TTLL5: variants seen among roughly 807,000 people sequenced by gnomAD.
TTLL5 encodes the protein tubulin polyglutamylase TTLL5.
Under a neutral mutation model 168.4 loss-of-function variants are expected in TTLL5, and 132 were observed. That is an observed-to-expected ratio of 0.78 (90% confidence interval 0.68 to 0.91). The LOEUF (loss-of-function observed/expected upper bound fraction) is 0.91, where lower values mean the gene tolerates loss of function less well. Among genes scored for constraint, TTLL5 ranks in the 40% least tolerant of loss-of-function variants. TTLL5 has a pLI of 0.00. For synonymous variants in TTLL5, 546 were observed against 558.6 expected, an observed-to-expected ratio of 0.98 and a Z score of 0.32; for missense variants, 1,545 against 1,581.5, an observed-to-expected ratio of 0.98 and a Z score of 0.39.
chr14:75,785,836 T>C (rs1395438680), intron 26 of TTLL5, among the ~76,000 whole-genome samples: 2 of 152,206 alleles, frequency 1.3e-5, no homozygotes, highest in Non-Finnish European at 2.9e-5. Flanking sequence ...TTTTCAAGAT[T>C]GTTTAGGCTG....
At chr14:75,665,624 C>T (rs911136185) in intron 2 of TTLL5, among the ~76,000 whole-genome samples, 1 of 152,078 alleles carries the variant, frequency 6.6e-6, no homozygotes, top group African/African-American at 2.4e-5. Flanking sequence ...TTTGGGAGGC[C>T]GAGGTGGGCA....
intron 7 of TTLL5, among the ~76,000 whole-genome samples, chr14:75,700,511 C>G (rs1383917824): frequency 6.6e-6 from 1 of 152,162 alleles, no homozygotes; most frequent in African/African-American, 2.4e-5. Context: ...AGGCCCCTCT[C>G]AAGTGCTGGC....
chr14:75,766,899 C>G (rs139509178), intron 20 of TTLL5, among the ~76,000 whole-genome samples: 78 of 152,256 alleles, frequency 5.1e-4, no homozygotes, highest in Non-Finnish European at 1.1e-3. Context: ...CTCAGTGTCT[C>G]ACACCTATAA....
intron 26 of TTLL5, among the ~76,000 whole-genome samples, chr14:75,790,671 C>T (rs2140346399): frequency 6.6e-6 from 1 of 151,792 alleles, no homozygotes; most frequent in Middle Eastern, 3.4e-3. Flanking sequence ...CACTTTGTTG[C>T]CTAATCTGGT....
rs113744854 is a variant in TTLL5 at position 75,820,102 on chromosome 14, A to G, written c.3267A>G (p.Thr1089=). Residue 1089 remains threonine (T), a synonymous_variant, in exon 28 of 32, where the codon ACA becomes ACG. Coordinates refer to ENST00000298832, the MANE Select transcript of TTLL5 (RefSeq NM_015072.5). Reference sequence around the variant, plus strand: ...CCATCATCAGTCCTAGTGGCCCGACATGGTCTACACAGTCAGACCCCCAAG... The same window carrying G: ...CCATCATCAGTCCTAGTGGCCCGACGTGGTCTACACAGTCAGACCCCCAAG... ...LRPIISPSGP[T]WSTQSDPQAP... is the part of the protein sequence containing the mutation. 8 of 1,609,138 alleles carry G rather than the reference A, an allele frequency of 5.0e-6. No individual in the cohort carries two copies. In the Admixed American group the frequency reaches 5.1e-5, roughly 10 times the overall value.
intron 3 of TTLL5, among the ~76,000 whole-genome samples, chr14:75,676,294 T>C (rs1884149693): frequency 6.6e-6 from 1 of 152,202 alleles, no homozygotes; most frequent in Non-Finnish European, 1.5e-5. Context: ...ATAACCATCA[T>C]TACCAGGTTT....
intron 27 of TTLL5, among the ~76,000 whole-genome samples, chr14:75,811,637 G>A (rs1011544255): frequency 6.6e-6 from 1 of 152,096 alleles, no homozygotes; most frequent in Non-Finnish European, 1.5e-5. Flanking sequence ...ATGCGTTAGC[G>A]CTTTCCTCAA....
rs530329876 is a variant in TTLL5 at position 75,669,039 on chromosome 14, T to C, written c.75-377T>C. ...GACTTCTCATTCTCATCCTATACCA[T>C]CAAGAGGAAGACAGGCTATCATCTG... On this transcript the variant is annotated intron_variant, in intron 2 of 31. Transcript: ENST00000298832. Among the ~76,000 whole-genome samples the C allele has an allele frequency of 3.0e-3, 450 of 152,198 alleles. 5 individuals are homozygous for C. Among genetic ancestry groups the C allele is most frequent in the African/African-American group, 0.01 (434 of 41,520 alleles).
chr14:75,878,833 C>A (rs2031643523), intron 29 of TTLL5, among the ~76,000 whole-genome samples: 1 of 152,160 alleles, frequency 6.6e-6, no homozygotes, highest in South Asian at 2.1e-4. Context: ...TGTTTGAGAT[C>A]TGCAGAAGGG....
intron 20 of TTLL5, among the ~76,000 whole-genome samples, chr14:75,769,848 CAAG>C (rs954482641): frequency 3.3e-5 from 5 of 151,982 alleles, no homozygotes; most frequent in African/African-American, 1.2e-4. Flanking sequence ...TCTGGGTAAA[CAAG>C]AGTATAATTA....
chr14:75,844,627 T>A (rs1348769260), intron 28 of TTLL5, among the ~76,000 whole-genome samples: 1 of 152,176 alleles, frequency 6.6e-6, no homozygotes, highest in African/African-American at 2.4e-5. Context: ...CTATGAAGGC[T>A]AACAAAGATA....
At chr14:75,771,995 T>A in intron 21 of TTLL5, 141 bp downstream of exon 21, 2 of 937,262 alleles carry the variant, frequency 2.1e-6, no homozygotes, top group African/African-American at 1.7e-5. Context: ...TTAGATTTCT[T>A]ATAAATCTAT....
At chr14:75,808,540 C>T (rs1375856300) in intron 27 of TTLL5, among the ~76,000 whole-genome samples, 2 of 151,992 alleles carry the variant, frequency 1.3e-5, no homozygotes, top group African/African-American at 4.8e-5. Flanking sequence ...TGAATATATT[C>T]TCTAATATTT....
chr14:75,766,209 C>T lies in TTLL5; in HGVS notation c.1856C>T (p.Thr619Ile), dbSNP rs1566594455. ...CTTAGAGAAAATCAAGCCAAATATA[C>T]ACCCTCATTGACAGCTTTGGTAGAA... ...GFLRENQAKY[T>I]PSLTALVENT... The change falls in exon 20 of 32, where the codon ACA (threonine) becomes ATA (isoleucine). Residue 619 changes from threonine (T) to isoleucine (I), a missense_variant. Physicochemically the swap from Thr to Ile is moderately conservative, Grantham distance 89. Transcript: ENST00000298832. 1.2e-6 allele frequency: 2 copies of T among 1,614,046 alleles called. No homozygotes were observed. The highest frequency in any genetic ancestry group is 1.7e-6 in the Non-Finnish European group (2 of 1,179,984).
chr14:75,794,544 A>G (rs1566607529), intron 27 of TTLL5, among the ~76,000 whole-genome samples: 1 of 152,170 alleles, frequency 6.6e-6, no homozygotes, highest in South Asian at 2.1e-4. Context: ...AAGTGAAAAG[A>G]TCCTAATCCT....
intron 27 of TTLL5, among the ~76,000 whole-genome samples, chr14:75,812,698 C>T (rs1162298153): frequency 6.6e-6 from 1 of 152,174 alleles, no homozygotes; most frequent in African/African-American, 2.4e-5. Context: ...GGAAAATCCC[C>T]TGCCCGTGAG....
At chr14:75,729,620 A>T (rs1257720217) in intron 12 of TTLL5, among the ~76,000 whole-genome samples, 1 of 152,166 alleles carries the variant, frequency 6.6e-6, no homozygotes, top group African/African-American at 2.4e-5. Flanking sequence ...GCACTATGTT[A>T]TAATGCTGTC....
At chr14:75,756,127 T>C (rs1273800870) in intron 18 of TTLL5, among the ~76,000 whole-genome samples, 2 of 152,104 alleles carry the variant, frequency 1.3e-5, no homozygotes, top group Non-Finnish European at 2.9e-5. Context: ...GACTTTCTGA[T>C]GATTACCTGA....
chr14:75,860,453 C>A (rs1178230568), intron 28 of TTLL5, among the ~76,000 whole-genome samples: 1 of 152,206 alleles, frequency 6.6e-6, no homozygotes, highest in African/African-American at 2.4e-5. Flanking sequence ...ACTGTAAAAT[C>A]TAATCACTGA....
Sources: gnomAD v4.1 joint callset for allele counts (sites outside exome capture counted in the v4.1 genomes callset) on GRCh38, gnomAD v4.1.1 for gene constraint, MANE v1.5 for transcripts, NCBI Gene and HGNC (gene_info 2026-07-23, HGNC 2026-07-21) for gene names.